The following MBP variants were observed in gnomAD, a reference collection of about 807,000 sequenced individuals.
The protein encoded by MBP is myelin basic protein, also known as Golli-MBP.
In MBP, 16 loss-of-function variants were observed where a neutral mutation model predicts 35.8. The observed-to-expected ratio is 0.45, with a 90% CI of 0.30 to 0.68. The LOEUF is 0.68. MBP is among the 30% of genes least tolerant of loss of function. MBP has a pLI of 0.08. For synonymous variants in MBP, 143 were observed against 159.6 expected (o/e 0.90, Z 0.78); for missense variants, 380 against 404.7 (o/e 0.94, Z 0.52).
chr18:77,079,111 G>A (rs777585304), intron 2 of MBP, among the ~76,000 whole-genome samples: 13 of 152,258 alleles, frequency 8.5e-5, no homozygotes, highest in Non-Finnish European at 1.8e-4. Context: ...AGGCTGCAGA[G>A]TTGGCAGAAA....
intron 1 of MBP, among the ~76,000 whole-genome samples, chr18:77,117,252 C>T (rs1018811585): frequency 1.3e-5 from 2 of 152,138 alleles, no homozygotes; most frequent in Non-Finnish European, 2.9e-5. Context: ...TTAAAAATGG[C>T]ATTTAAATGA....
chr18:76,987,776 G>A (rs1334205757), intron 7 of MBP: 1 of 1,012,208 alleles, frequency 9.9e-7, no homozygotes, highest in Non-Finnish European at 1.2e-6. Flanking sequence ...GTATTTGCTA[G>A]TAACTAAAGT....
intron 3 of MBP, among the ~76,000 whole-genome samples, chr18:77,058,448 G>T (rs1203609158): frequency 6.6e-6 from 1 of 152,098 alleles, no homozygotes; most frequent in Non-Finnish European, 1.5e-5. Context: ...GGAGGGAGCG[G>T]CCTCCGGCAG....
intron 7 of MBP, chr18:76,987,139 A>AC: frequency 2.0e-6 from 2 of 985,314 alleles, no homozygotes; most frequent in Non-Finnish European, 1.2e-6. Context: ...CCTGTGTGCA[A>AC]CCCCCCATCG....
intron 2 of MBP, chr18:77,093,511 C>T (rs1975626443): frequency 1.3e-5 from 2 of 152,174 alleles, no homozygotes; most frequent in African/African-American, 4.8e-5. Context: ...GGGATTTTAA[C>T]AAAGGTCACC....
At chr18:77,057,067 C>A (rs1474058034) in intron 3 of MBP, among the ~76,000 whole-genome samples, 1 of 152,122 alleles carries the variant, frequency 6.6e-6, no homozygotes, top group Non-Finnish European at 1.5e-5. Flanking sequence ...TGCCTGGGTA[C>A]TACAATGAAG....
rs969588894 is a variant in MBP at position 76,997,925 on chromosome 18, G to T, written c.577-7865C>A. Among the ~76,000 whole-genome samples the T allele has an allele frequency of 2.6e-5, 4 of 151,674 alleles. No individual in the cohort carries two copies. In the South Asian group the frequency reaches 8.3e-4, roughly 32 times the overall value. ...TCTCGATCTCCTGACCTCGTGATCC[G>T]CCCGCCTCGGCCTCCCAAAGTGCTG... is the stretch of plus-strand genomic sequence containing the variant. On this transcript the variant is annotated intron_variant, in intron 4 of 8. Transcript: ENST00000355994.
At chr18:77,070,193 G>A (rs139312369) in intron 2 of MBP, among the ~76,000 whole-genome samples, 224 of 152,286 alleles carry the variant, frequency 1.5e-3, no homozygotes, top group Non-Finnish European at 2.7e-3. Context: ...TCAGACTTAC[G>A]AGAGGGGATG....
At chr18:77,096,376 T>C (rs1353878285) in intron 2 of MBP, among the ~76,000 whole-genome samples, 1 of 152,234 alleles carries the variant, frequency 6.6e-6, no homozygotes, top group Non-Finnish European at 1.5e-5. Context: ...ATGGAGCAGA[T>C]TCTGCAGGGG....
chr18:77,064,093 T>C (rs1275103154), intron 3 of MBP, among the ~76,000 whole-genome samples: 1 of 152,230 alleles, frequency 6.6e-6, no homozygotes, highest in Middle Eastern at 3.2e-3. Flanking sequence ...AATTTGGACA[T>C]TTGTCTTCGT....
At chr18:77,005,449 G>T (rs1599532035) in intron 4 of MBP, 1 of 152,148 alleles carries the variant, frequency 6.6e-6, no homozygotes, top group Non-Finnish European at 1.5e-5. Flanking sequence ...AGAGACCCAC[G>T]GAAAAAATTC....
chr18:77,105,270 G>A lies in MBP; in HGVS notation c.-9C>T, dbSNP rs372499221. 79 of 1,610,892 alleles carry A rather than the reference G, an allele frequency of 4.9e-5. No homozygotes were observed. Among genetic ancestry groups the A allele is most frequent in the Non-Finnish European group, 5.9e-5 (70 of 1,177,714 alleles). ...CCTGCGTGGTTTCCCATCCTGAATGGATTGGCTCTTCAGAGGCTAAAAGAG... is the reference window on the plus strand; with the variant it reads ...CCTGCGTGGTTTCCCATCCTGAATGAATTGGCTCTTCAGAGGCTAAAAGAG... On this transcript the variant is annotated 5_prime_UTR_variant, in exon 2 of 9. Coordinates refer to ENST00000355994, the MANE Select transcript of MBP (RefSeq NM_001025101.2).
chr18:77,011,806 T>C (rs750317595), intron 4 of MBP, among the ~76,000 whole-genome samples: 14 of 152,236 alleles, frequency 9.2e-5, no homozygotes, highest in African/African-American at 3.1e-4. Context: ...CTGATAGCCA[T>C]AAAGGAAAAA....
Position 76,984,834 on chromosome 18 carries a change from C to A in MBP, c.811G>T (p.Ala271Ser), listed in dbSNP as rs767270713. 6.2e-7 allele frequency: 1 copy of A among 1,614,066 alleles called. No individual in the cohort carries two copies. Among genetic ancestry groups the A allele is most frequent in the Non-Finnish European group, 8.5e-7 (1 of 1,180,032 alleles). Residue 271 changes from alanine (A) to serine (S), a missense_variant, in exon 8 of 9, where the codon GCT (alanine) becomes TCT (serine). By Grantham distance (99) the Ala-to-Ser change is moderately conservative (BLOSUM62 1). Coordinates refer to ENST00000355994, the MANE Select transcript of MBP (RefSeq NM_001025101.2). The part of the protein sequence containing the change: ...YGGRASDYKS[A>S]HKGFKGVDAQ... Reference sequence around the variant, plus strand: ...TCGACTCCCTTGAATCCCTTGTGAGCCGATTTATAGTCGGACGCTCTGCCT... The same window carrying A: ...TCGACTCCCTTGAATCCCTTGTGAGACGATTTATAGTCGGACGCTCTGCCT...
At chr18:77,120,180 A>G (rs1976846063) in intron 1 of MBP, among the ~76,000 whole-genome samples, 1 of 152,242 alleles carries the variant, frequency 6.6e-6, no homozygotes, top group Non-Finnish European at 1.5e-5. Flanking sequence ...CTGTGAATCC[A>G]TTACGGGTCT....
chr18:77,105,106 G>A, intron 2 of MBP, 105 bp downstream of exon 2: 1 of 846,692 alleles, frequency 1.2e-6, no homozygotes, highest in Non-Finnish European at 1.9e-6. Context: ...TGTCAGGGAA[G>A]AGTGTAGCAG....
chr18:77,102,238 G>A lies in MBP; in HGVS notation c.51+2973C>T, dbSNP rs776506723. On this transcript the variant is annotated intron_variant, in intron 2 of 8. Coordinates refer to ENST00000355994, the MANE Select transcript of MBP (RefSeq NM_001025101.2). The surrounding 1 kb of genome is among the most constrained non-coding windows in gnomAD (Gnocchi z 4.4). ...TGGGGTAGACCGGGCAGCCCCCACC[G>A]CAGCTGCCCTCCCTGCTGACAGATC... is the stretch of plus-strand genomic sequence containing the variant. Among the ~76,000 whole-genome samples the A allele has an allele frequency of 4.3e-4, 66 of 152,252 alleles. No homozygotes were observed. The highest frequency in any genetic ancestry group is 6.5e-4 in the Non-Finnish European group (44 of 67,996).
Position 76,996,444 on chromosome 18 carries a change from T to C in MBP, c.577-6384A>G, listed in dbSNP as rs573281611. On this transcript the variant is annotated intron_variant, in intron 4 of 8. Coordinates refer to ENST00000355994, the MANE Select transcript of MBP (RefSeq NM_001025101.2). ...GAATGTTCATAGCAGCTAAACCCAC[T>C]AGATTTCACTAAAACCTTCAAACAA... Among the ~76,000 whole-genome samples the C allele has an allele frequency of 1.2e-4, 19 of 152,306 alleles. No individual in the cohort carries two copies. The South Asian group carries it at 3.7e-3, about 30-fold the overall frequency.
chr18:76,986,588 G>A (rs1969568987), intron 7 of MBP: 1 of 985,668 alleles, frequency 1.0e-6, no homozygotes, highest in Non-Finnish European at 1.2e-6. Flanking sequence ...CCAGTGAGGT[G>A]AGGGACGGGA....
Sources: gnomAD v4.1 joint callset for allele counts (sites outside exome capture counted in the v4.1 genomes callset) on GRCh38, gnomAD v4.1.1 for gene constraint, Gnocchi (gnomAD v3.1) non-coding constraint, MANE v1.5 for transcripts, NCBI Gene and HGNC (gene_info 2026-07-23, HGNC 2026-07-21) for gene names.